The following DOK6 variants were observed in gnomAD, a reference collection of about 807,000 sequenced individuals.
The protein encoded by DOK6 is docking protein 6.
In DOK6, 22 loss-of-function variants were observed where a neutral mutation model predicts 44.0. That is an observed-to-expected ratio of 0.50 (90% CI 0.36 to 0.71). The LOEUF is 0.71. Ranked by LOEUF, DOK6 falls within the 30% of genes least tolerant of loss-of-function variation. DOK6 has a pLI of 0.00. For synonymous variants in DOK6, 166 were observed against 145.5 expected (o/e 1.14, Z -1.01); for missense variants, 340 against 416.4 (o/e 0.82, Z 1.60).
intron 5 of DOK6, among the ~76,000 whole-genome samples, chr18:69,719,832 G>A (rs1046761637): frequency 1.3e-5 from 2 of 152,152 alleles, no homozygotes; most frequent in South Asian, 4.1e-4. Flanking sequence ...TTTTGCAAAG[G>A]CAGTTTCATA....
chr18:69,629,490 A>C (rs994005248), intron 3 of DOK6, among the ~76,000 whole-genome samples: 3 of 152,214 alleles, frequency 2.0e-5, no homozygotes, highest in African/African-American at 7.2e-5. Flanking sequence ...CTCTTCCTGC[A>C]TCTGGCACTT....
At chr18:69,572,150 T>G (rs929326744) in intron 2 of DOK6, among the ~76,000 whole-genome samples, 22 of 152,094 alleles carry the variant, frequency 1.4e-4, no homozygotes, top group Non-Finnish European at 4.4e-5. Flanking sequence ...CAAAAGCAAA[T>G]ATTCTAAACT....
intron 1 of DOK6, chr18:69,469,805 C>T (rs916168757): frequency 2.2e-5 from 5 of 231,876 alleles, no homozygotes; most frequent in Middle Eastern, 6.5e-4. Context: ...GCGGCAGAGG[C>T]GCCCCCACTG....
rs373864276 is a variant in DOK6, at chr18:69,701,107, G to GAC, written c.599+2516_599+2517dup. 5.5e-3 allele frequency among the ~76,000 whole-genome samples: 841 copies of GAC among 152,266 alleles called. 9 individuals are homozygous for GAC. The highest frequency in any genetic ancestry group is 0.02 in the African/African-American group (821 of 41,554). On this transcript the variant is annotated intron_variant, in intron 5 of 7. Coordinates refer to ENST00000382713, the MANE Select transcript of DOK6 (RefSeq NM_152721.6). ...AATTCTGCTGTAAAACTGACATGTA[G>GAC]ACATGAACAGTAGGAATGGATATAC...
chr18:69,528,102 G>T (rs957507220), intron 1 of DOK6, among the ~76,000 whole-genome samples: 2 of 149,030 alleles, frequency 1.3e-5, no homozygotes, highest in Non-Finnish European at 3.0e-5. Context: ...GGTGGAGCTT[G>T]CAGTGATCCG....
chr18:69,536,714 T>G (rs17081171), intron 1 of DOK6, among the ~76,000 whole-genome samples: 19,781 of 151,968 alleles, frequency 0.13, 1,520 homozygotes, highest in East Asian at 0.4. Context: ...ATACACCCTG[T>G]GTAGTCACAT....
intron 3 of DOK6, among the ~76,000 whole-genome samples, chr18:69,626,239 C>T (rs1984554007): frequency 6.6e-6 from 1 of 152,124 alleles, no homozygotes; most frequent in Admixed American, 6.5e-5. Context: ...ATCATTTGGC[C>T]ATCCCATTTG....
intron 1 of DOK6, among the ~76,000 whole-genome samples, chr18:69,412,027 TATC>T (rs1343398300): frequency 1.3e-5 from 2 of 152,170 alleles, no homozygotes; most frequent in African/African-American, 2.4e-5. Flanking sequence ...TGTCTAGAAT[TATC>T]ATTTGGTTCA....
At chr18:69,514,840 T>TA (rs369277915) in intron 1 of DOK6, among the ~76,000 whole-genome samples, 39 of 119,896 alleles carry the variant, frequency 3.3e-4, no homozygotes, top group Admixed American at 7.7e-4. Context: ...TCCATATATA[T>TA]TTTTTTTTTT....
chr18:69,605,074 C>CTT (rs1491519484), intron 3 of DOK6, among the ~76,000 whole-genome samples: 5 of 106,268 alleles, frequency 4.7e-5, no homozygotes, highest in Non-Finnish European at 9.4e-5. Flanking sequence ...GGAGAGATCC[C>CTT]TTTGTGTGTG....
rs1054511398 is a variant in DOK6, at chr18:69,806,022, T to A, written c.857-35222T>A. ...AAATTTCTGCTTGAAAAAGTATAGGTTTTTTGCTTTCTTGTTTTTTCTTCA... is the reference window on the plus strand; with the variant it reads ...AAATTTCTGCTTGAAAAAGTATAGGATTTTTGCTTTCTTGTTTTTTCTTCA... On this transcript the variant is annotated intron_variant, in intron 7 of 7. Coordinates refer to ENST00000382713, the MANE Select transcript of DOK6 (RefSeq NM_152721.6). Among the ~76,000 whole-genome samples, 14 of 151,944 alleles carry A rather than the reference T, an allele frequency of 9.2e-5. 1 individual carries two copies. The highest frequency in any genetic ancestry group is 4.6e-4 in the Admixed American group (7 of 15,238).
chr18:69,695,837 G>T (rs1464483579), intron 4 of DOK6, among the ~76,000 whole-genome samples: 1 of 152,158 alleles, frequency 6.6e-6, no homozygotes, highest in African/African-American at 2.4e-5. Context: ...GCAAGAAATA[G>T]CATCCAAAGG....
intron 7 of DOK6, among the ~76,000 whole-genome samples, chr18:69,786,429 T>G (rs996659856): frequency 6.6e-6 from 1 of 152,196 alleles, no homozygotes; most frequent in African/African-American, 2.4e-5. Context: ...AACATAATCT[T>G]TAATATAAAG....
intron 5 of DOK6, among the ~76,000 whole-genome samples, chr18:69,732,471 AG>A (rs1206254908): frequency 6.6e-6 from 1 of 152,120 alleles, no homozygotes; most frequent in Non-Finnish European, 1.5e-5. Context: ...TGAATTTTTG[AG>A]GCATAAAGAT....
chr18:69,566,651 C>A (rs767715292), intron 2 of DOK6, among the ~76,000 whole-genome samples: 2 of 152,168 alleles, frequency 1.3e-5, no homozygotes, highest in Non-Finnish European at 2.9e-5. Flanking sequence ...ATGTGTGAGA[C>A]ACAGTCTTGC....
intron 5 of DOK6, among the ~76,000 whole-genome samples, chr18:69,728,701 C>T (rs1215302780): frequency 6.6e-6 from 1 of 151,940 alleles, no homozygotes; most frequent in African/African-American, 2.4e-5. Flanking sequence ...GTGTCTGCAG[C>T]TGTTTGTGGA....
chr18:69,568,778 A>G (rs778168107), intron 2 of DOK6, among the ~76,000 whole-genome samples: 1 of 151,978 alleles, frequency 6.6e-6, no homozygotes, highest in Non-Finnish European at 1.5e-5. Context: ...ACATTCTCAT[A>G]GGAGCACAAA....
At chr18:69,489,687 T>C (rs1440065920) in intron 1 of DOK6, among the ~76,000 whole-genome samples, 1 of 152,222 alleles carries the variant, frequency 6.6e-6, no homozygotes, top group African/African-American at 2.4e-5. Flanking sequence ...TGTAGGTTTT[T>C]CCTTATCCTT....
chr18:69,751,290 T>C (rs1170498476), intron 6 of DOK6, among the ~76,000 whole-genome samples: 1 of 151,874 alleles, frequency 6.6e-6, no homozygotes, highest in Non-Finnish European at 1.5e-5. Context: ...GAATTAATGG[T>C]TATGTTAATT....
Sources: gnomAD v4.1 joint callset for allele counts (sites outside exome capture counted in the v4.1 genomes callset) on GRCh38, gnomAD v4.1.1 for gene constraint, MANE v1.5 for transcripts, NCBI Gene and HGNC (gene_info 2026-07-23, HGNC 2026-07-21) for gene names.